HERC2: variants seen among roughly 807,000 people sequenced by gnomAD.
The protein encoded by HERC2 is E3 ubiquitin-protein ligase HERC2.
In HERC2, 102 loss-of-function variants were observed where a neutral mutation model predicts 537.7. The observed-to-expected ratio is 0.19, with a 90% CI of 0.16 to 0.22. HERC2 has a LOEUF of 0.22. Among genes scored for constraint, HERC2 ranks in the 10% least tolerant of loss-of-function variants. HERC2 has a pLI of 1.00. For synonymous variants in HERC2, 2,224 were observed against 2,466.2 expected, an observed-to-expected ratio of 0.90 and a Z score of 2.91; for missense variants, 4,236 against 6,198.2, an observed-to-expected ratio of 0.68 and a Z score of 10.63.
chr15:28,126,314 A>G (rs2142119649), intron 83 of HERC2, among the ~76,000 whole-genome samples: 1 of 152,336 alleles, frequency 6.6e-6, no homozygotes, highest in Non-Finnish European at 1.5e-5. Flanking sequence ...TCCACTATGG[A>G]AAAGTATGGA....
chr15:28,296,812 T>C (rs996467182), intron 3 of HERC2, among the ~76,000 whole-genome samples: 1 of 151,548 alleles, frequency 6.6e-6, no homozygotes, highest in Non-Finnish European at 1.5e-5. Flanking sequence ...GAATTCTATA[T>C]ATACCACTTA....
In HERC2 at chr15:28,111,624, AG is replaced by A. The variant is rs1298255130; in HGVS notation, c.*138del. 1 of 832,668 alleles carries A rather than the reference AG, an allele frequency of 1.2e-6. No individual in the cohort carries two copies. Among genetic ancestry groups the A allele is most frequent in the Non-Finnish European group, 1.9e-6 (1 of 536,190 alleles). 51.6% of individuals were successfully genotyped at this position (832,668 alleles called of 1,614,324 possible). On this transcript the variant is annotated 3_prime_UTR_variant, in exon 93 of 93. Coordinates refer to ENST00000261609, the MANE Select transcript of HERC2 (RefSeq NM_004667.6). ...ACTGTCATTCCCATCACGGCCAGTC[AG>A]TCTCTCCACTCCCTCCTCCCGCCTG...
intron 4 of HERC2, among the ~76,000 whole-genome samples, chr15:28,286,895 G>A (rs2076171159): frequency 6.6e-6 from 1 of 152,138 alleles, no homozygotes; most frequent in Non-Finnish European, 1.5e-5. Flanking sequence ...GCAATGTTGA[G>A]AAGCAAGTGT....
intron 2 of HERC2, among the ~76,000 whole-genome samples, chr15:28,314,178 TATA>T (rs1020984107): frequency 1.3e-5 from 2 of 151,432 alleles, no homozygotes; most frequent in African/African-American, 4.9e-5. Flanking sequence ...GTCAAGCAAA[TATA>T]ATAATGACAA....
chr15:28,304,029 G>C (rs1439034572), intron 2 of HERC2, among the ~76,000 whole-genome samples: 16 of 152,000 alleles, frequency 1.1e-4, no homozygotes, highest in African/African-American at 3.9e-4. Flanking sequence ...AGCCAGGCCT[G>C]GTGGCAGGCG....
chr15:28,221,837 T>G (rs553816444), intron 36 of HERC2, among the ~76,000 whole-genome samples, 191 bp downstream of exon 36: 1 of 152,082 alleles, frequency 6.6e-6, no homozygotes, highest in South Asian at 2.1e-4. Flanking sequence ...CAGACTTGAT[T>G]CTGCTCAGAT....
rs557862829 is a variant in HERC2, at chr15:28,152,173, C to A, written c.10900+504G>T. ...CAGAAGGACGGGCCTGAGGAACACA[C>A]TGAACAGCAGCACACGTGTCCAGTC... On this transcript the variant is annotated intron_variant, in intron 70 of 92. Transcript: ENST00000261609. 4.9e-4 allele frequency among the ~76,000 whole-genome samples: 75 copies of A among 152,342 alleles called. No individual in the cohort carries two copies. The East Asian group carries it at 9.6e-3, about 20-fold the overall frequency.
intron 83 of HERC2, among the ~76,000 whole-genome samples, 183 bp downstream of exon 83, chr15:28,129,980 G>A (rs1467567362): frequency 6.6e-6 from 1 of 152,010 alleles, no homozygotes; most frequent in Non-Finnish European, 1.5e-5. Flanking sequence ...TTACCGTGTA[G>A]GCCAGGCTGG....
intron 67 of HERC2, among the ~76,000 whole-genome samples, chr15:28,168,191 G>A (rs1894339722): frequency 6.6e-6 from 1 of 152,180 alleles, no homozygotes; most frequent in Non-Finnish European, 1.5e-5. Context: ...ATAAAGGACT[G>A]TGAACTTGAT....
chr15:28,239,673 G>A (rs540904764), intron 23 of HERC2, among the ~76,000 whole-genome samples: 133 of 146,386 alleles, frequency 9.1e-4, no homozygotes, highest in Middle Eastern at 3.4e-3. Flanking sequence ...CCGCCCCAAC[G>A]AGACTGAATT....
In HERC2 at chr15:28,280,301, C is replaced by T; in HGVS notation, c.323-14G>A. On this transcript the variant is annotated splice_polypyrimidine_tract_variant and intron_variant, in intron 4 of 92. Transcript: ENST00000261609. The stretch of plus-strand genomic sequence containing the variant: ...GTTCATTCACATCTAGAAAATAAGA[C>T]AAGAAAACATCTCACCTGTGGACAA... 6.3e-7 allele frequency: 1 copy of T among 1,590,404 alleles called. No individual in the cohort carries two copies. The highest frequency in any genetic ancestry group is 8.6e-7 in the Non-Finnish European group (1 of 1,166,684).
At chr15:28,280,039 T>C in intron 5 of HERC2, 29 bp downstream of exon 5, 2 of 1,542,398 alleles carry the variant, frequency 1.3e-6, no homozygotes, top group South Asian at 2.3e-5. Flanking sequence ...TTAACTGGCA[T>C]CAGGATTCTT....
At chr15:28,316,608 A>G (rs2077093209) in intron 2 of HERC2, among the ~76,000 whole-genome samples, 1 of 152,196 alleles carries the variant, frequency 6.6e-6, no homozygotes, top group Non-Finnish European at 1.5e-5. Context: ...GTATTTGGAT[A>G]TTAGAGGTAA....
intron 78 of HERC2, 60 bp from the exon 79 acceptor site, chr15:28,135,752 C>A: frequency 8.0e-7 from 1 of 1,253,752 alleles, no homozygotes; most frequent in Non-Finnish European, 1.2e-6. Context: ...CCTAAATTTA[C>A]TAATTCATAA....
intron 59 of HERC2, 149 bp downstream of exon 59, chr15:28,178,738 A>G (rs1895534777): frequency 1.2e-6 from 1 of 835,484 alleles, no homozygotes; most frequent in Non-Finnish European, 1.7e-6. Context: ...ACTAAATTCT[A>G]GACCACCTAG....
intron 83 of HERC2, among the ~76,000 whole-genome samples, chr15:28,129,785 T>TTTA (rs1889911229): frequency 6.6e-6 from 1 of 150,938 alleles, no homozygotes; most frequent in Non-Finnish European, 1.5e-5. Context: ...GCCTCCTTTT[T>TTTA]TTTTTTTTTT....
chr15:28,116,986 G>A (rs377209975), intron 87 of HERC2, 27 bp downstream of exon 87: 2 of 1,613,794 alleles, frequency 1.2e-6, no homozygotes, highest in African/African-American at 1.3e-5. Flanking sequence ...GGGGACACAG[G>A]TGCTCCAGCA....
At chr15:28,308,063 AT>A (rs57732933) in intron 2 of HERC2, among the ~76,000 whole-genome samples, 22,442 of 143,286 alleles carry the variant, frequency 0.16, 1,533 homozygotes, top group East Asian at 0.43. Flanking sequence ...GAATTTTAGG[AT>A]TTTTTTTTTT....
In HERC2 at chr15:28,259,495, A is replaced by G. The variant is rs190881857; in HGVS notation, c.2316+1282T>C. 1.7e-3 allele frequency among the ~76,000 whole-genome samples: 256 copies of G among 152,326 alleles called. 4 individuals carry two copies. The highest frequency in any genetic ancestry group is 0.017 in the Admixed American group (254 of 15,294). ...ACACAATCCCTTATAGAAAATGAAA[A>G]AGGACGGAACACATGCCAATATTTT... On this transcript the variant is annotated intron_variant, in intron 16 of 92. Transcript: ENST00000261609.
Sources: gnomAD v4.1 joint callset for allele counts (sites outside exome capture counted in the v4.1 genomes callset) on GRCh38, gnomAD v4.1.1 for gene constraint, MANE v1.5 for transcripts, NCBI Gene and HGNC (gene_info 2026-07-23, HGNC 2026-07-21) for gene names.